FMNL2: variants seen among roughly 807,000 people sequenced by gnomAD.
FMNL2 encodes the protein formin like 2.
FMNL2 carries 51 observed loss-of-function variants against 130.2 expected under a neutral mutation model. The observed-to-expected ratio is 0.39, with a 90% CI of 0.31 to 0.49. FMNL2 has a LOEUF of 0.49. Among genes scored for constraint, FMNL2 ranks in the 20% least tolerant of loss-of-function variants. FMNL2 has a pLI of 0.85. For missense variants in FMNL2, 977 were observed against 1,316.2 expected (o/e 0.74, Z 3.99); for synonymous variants, 465 against 467.1 (o/e 1.00, Z 0.06).
intron 21 of FMNL2, among the ~76,000 whole-genome samples, chr2:152,634,096 C>T (rs6710417): frequency 0.85 from 129,115 of 152,226 alleles, 55,384 homozygotes; most frequent in Non-Finnish European, 0.9. Flanking sequence ...GCAAAAGCAA[C>T]TGTGATTTTG....
At chr2:152,530,013 C>A (rs1473069630) in intron 2 of FMNL2, among the ~76,000 whole-genome samples, 1 of 152,174 alleles carries the variant, frequency 6.6e-6, no homozygotes. Context: ...ATGTATATCA[C>A]AGTGCCTGCC....
At chr2:152,444,800 C>T (rs1472101931) in intron 1 of FMNL2, among the ~76,000 whole-genome samples, 1 of 151,168 alleles carries the variant, frequency 6.6e-6, no homozygotes, top group Non-Finnish European at 1.5e-5. Flanking sequence ...CTATGGGTAA[C>T]TCAGTGTCCC....
At chr2:152,495,150 C>A (rs73016021) in intron 1 of FMNL2, among the ~76,000 whole-genome samples, 3,723 of 152,168 alleles carry the variant, frequency 0.024, 159 homozygotes, top group African/African-American at 0.085. Flanking sequence ...ATGTAAATGG[C>A]AGTTCAATGG....
chr2:152,467,968 A>G (rs776198431), intron 1 of FMNL2, among the ~76,000 whole-genome samples: 17 of 152,248 alleles, frequency 1.1e-4, no homozygotes, highest in Non-Finnish European at 1.9e-4. Context: ...GCTACTTGCA[A>G]GTGATCAGAA....
intron 2 of FMNL2, among the ~76,000 whole-genome samples, chr2:152,524,420 C>A (rs1034740034): frequency 2.6e-5 from 4 of 152,080 alleles, no homozygotes; most frequent in Non-Finnish European, 5.9e-5. Context: ...GGGAGTGGGG[C>A]TACGGAAGCC....
chr2:152,563,698 CCTTTT>C (rs1390288567), intron 6 of FMNL2, among the ~76,000 whole-genome samples: 3 of 152,082 alleles, frequency 2.0e-5, no homozygotes, highest in Non-Finnish European at 2.9e-5. Flanking sequence ...TACCATCCTC[CCTTTT>C]CTTTTAGCCA....
At chr2:152,558,058 T>A (rs151273060) in intron 4 of FMNL2, among the ~76,000 whole-genome samples, 6 of 152,212 alleles carry the variant, frequency 3.9e-5, no homozygotes, top group African/African-American at 1.4e-4. Context: ...GCATTCTCCA[T>A]GCACTGTGGA....
In FMNL2 at chr2:152,645,213, A is replaced by G. The variant is rs73016127; in HGVS notation, c.3170-2583A>G. Among the ~76,000 whole-genome samples the G allele has an allele frequency of 6.6e-3, 1,009 of 152,264 alleles. 12 individuals carry two copies. The highest frequency in any genetic ancestry group is 0.023 in the African/African-American group (946 of 41,562). ...GACTATATCTATCTTTCTGGAGCCAATCTTCAAAGCAGCTTGGAACTGGGT... is the reference window on the plus strand; with the variant it reads ...GACTATATCTATCTTTCTGGAGCCAGTCTTCAAAGCAGCTTGGAACTGGGT... On this transcript the variant is annotated intron_variant, in intron 25 of 25. Coordinates refer to ENST00000288670, the MANE Select transcript of FMNL2 (RefSeq NM_052905.4).
At chr2:152,389,870 T>C in intron 1 of FMNL2, 1 of 1,046,256 alleles carries the variant, frequency 9.6e-7, no homozygotes, top group East Asian at 2.5e-5. Context: ...GACAATCAGC[T>C]GGCACAGAAG....
intron 18 of FMNL2, 127 bp from the exon 19 acceptor site, chr2:152,629,529 C>G: frequency 2.5e-6 from 2 of 790,408 alleles, no homozygotes; most frequent in Admixed American, 2.8e-5. Context: ...AAAGTAGACT[C>G]TCACCATGAA....
chr2:152,600,947 T>A lies in FMNL2; in HGVS notation c.877-6392T>A, dbSNP rs142527128. 5.9e-4 allele frequency among the ~76,000 whole-genome samples: 90 copies of A among 152,312 alleles called. No homozygotes were observed. The East Asian group carries it at 0.017, about 29-fold the overall frequency. On this transcript the variant is annotated intron_variant, in intron 9 of 25. Coordinates refer to ENST00000288670, the MANE Select transcript of FMNL2 (RefSeq NM_052905.4). The stretch of plus-strand genomic sequence containing the variant: ...CCAAGTGCATTCCTCTGAATTTGTT[T>A]CTGTGGAGCTTCCATGCCAGTCAGC...
intron 1 of FMNL2, among the ~76,000 whole-genome samples, chr2:152,381,941 A>G (rs1018909070): frequency 2.0e-5 from 3 of 151,960 alleles, no homozygotes; most frequent in Non-Finnish European, 2.9e-5. Context: ...TGGAACTACA[A>G]GCAGGCATCA....
intron 2 of FMNL2, among the ~76,000 whole-genome samples, chr2:152,530,563 G>A (rs897276836): frequency 1.3e-5 from 2 of 152,174 alleles, no homozygotes; most frequent in African/African-American, 2.4e-5. Flanking sequence ...AGCGTGATGT[G>A]CTAGATGCTA....
chr2:152,553,496 A>T (rs975194856), intron 4 of FMNL2, among the ~76,000 whole-genome samples: 2 of 151,124 alleles, frequency 1.3e-5, no homozygotes, highest in African/African-American at 2.4e-5. Context: ...TTGAGCCTAG[A>T]TACGGTCACT....
chr2:152,579,110 T>C lies in FMNL2; in HGVS notation c.782+146T>C, dbSNP rs1458978578. 59 of 671,406 alleles carry C rather than the reference T, an allele frequency of 8.8e-5. 2 individuals are homozygous for C. In the South Asian group the frequency reaches 1.2e-3, roughly 14 times the overall value. 41.6% of individuals were successfully genotyped at this position (671,406 alleles called of 1,614,324 possible). On this transcript the variant is annotated intron_variant, in intron 8 of 25. Transcript: ENST00000288670. ...TATAAACTCTTTGGCTGTGTAAGAA[T>C]TTTTCCTTTTAGCCAAGTTACATTC...
At chr2:152,641,980 G>C (rs1310895845) in intron 25 of FMNL2, among the ~76,000 whole-genome samples, 1 of 149,500 alleles carries the variant, frequency 6.7e-6, no homozygotes, top group Non-Finnish European at 1.5e-5. Context: ...TCATTCTGTT[G>C]CCCAGGCTGG....
chr2:152,541,196 A>G (rs1369272270), intron 2 of FMNL2, among the ~76,000 whole-genome samples: 2 of 151,926 alleles, frequency 1.3e-5, no homozygotes, highest in East Asian at 3.9e-4. Context: ...TCGCTCTGTT[A>G]CCCAGGCTGG....
At chr2:152,411,442 C>T (rs948161405) in intron 1 of FMNL2, among the ~76,000 whole-genome samples, 12 of 152,130 alleles carry the variant, frequency 7.9e-5, no homozygotes, top group Non-Finnish European at 1.8e-4. Context: ...GCCATCTTTG[C>T]TTATATTATC....
chr2:152,457,456 G>T (rs2105105135), intron 1 of FMNL2, among the ~76,000 whole-genome samples: 1 of 152,258 alleles, frequency 6.6e-6, no homozygotes, highest in South Asian at 2.1e-4. Flanking sequence ...CTAGACTGGT[G>T]CCTAACTATC....
Sources: gnomAD v4.1 joint callset for allele counts (sites outside exome capture counted in the v4.1 genomes callset) on GRCh38, gnomAD v4.1.1 for gene constraint, MANE v1.5 for transcripts, NCBI Gene and HGNC (gene_info 2026-07-23, HGNC 2026-07-21) for gene names.